Variants in PXDNL observed in about 807,000 individuals in gnomAD.
PXDNL encodes probable oxidoreductase PXDNL.
PXDNL carries 145 observed loss-of-function variants against 150.8 expected under a neutral mutation model. The observed-to-expected ratio is 0.96, with a 90% CI of 0.84 to 1.10. The LOEUF (loss-of-function observed/expected upper bound fraction) is 1.10, where lower values mean the gene tolerates loss of function less well. Ranked by LOEUF, PXDNL falls within the 50% of genes least tolerant of loss-of-function variation. The probability of loss-of-function intolerance (pLI) is 0.00; values close to 1 mark genes in which losing one functional copy is unlikely to be tolerated. For missense variants in PXDNL, 2,087 were observed against 1,873.9 expected, an observed-to-expected ratio of 1.11 and a Z score of -2.10; for synonymous variants, 757 against 725.7, an observed-to-expected ratio of 1.04 and a Z score of -0.69.
At chr8:51,401,991 G>A (rs1310108355) in intron 17 of PXDNL, among the ~76,000 whole-genome samples, 2 of 152,118 alleles carry the variant, frequency 1.3e-5, no homozygotes, top group South Asian at 4.1e-4. Context: ...GCAGAAGAAG[G>A]AAAAGCCAAG....
intron 5 of PXDNL, among the ~76,000 whole-genome samples, chr8:51,496,028 T>G (rs1811039686): frequency 6.6e-6 from 1 of 152,166 alleles, no homozygotes; most frequent in Non-Finnish European, 1.5e-5. Flanking sequence ...GCAAAAATCC[T>G]CAATAAAATA....
chr8:51,494,779 G>T (rs1811004328), intron 5 of PXDNL, among the ~76,000 whole-genome samples: 1 of 151,882 alleles, frequency 6.6e-6, no homozygotes, highest in Admixed American at 6.6e-5. Flanking sequence ...GATTCATAAA[G>T]CAAGTACTTA....
intron 1 of PXDNL, among the ~76,000 whole-genome samples, chr8:51,679,643 G>A (rs1815699830): frequency 6.6e-6 from 1 of 152,060 alleles, no homozygotes; most frequent in Non-Finnish European, 1.5e-5. Context: ...GAGGAGTCAG[G>A]GACTAGACAT....
rs115716943 is a variant in PXDNL, at chr8:51,451,318, C to G, written c.1250-2200G>C. 9.3e-3 allele frequency among the ~76,000 whole-genome samples: 1,414 copies of G among 152,192 alleles called. 28 individuals carry two copies. The highest frequency in any genetic ancestry group is 0.032 in the African/African-American group (1,329 of 41,532). On this transcript the variant is annotated intron_variant, in intron 10 of 22. Transcript: ENST00000356297. ...GAAAATAGTCAATTTACATTTGTTT[C>G]TAACACTAAAATGAGCAGCTTGCTA...
At chr8:51,453,486 G>A in intron 10 of PXDNL, 33 bp downstream of exon 10, 6 of 1,601,822 alleles carry the variant, frequency 3.7e-6, no homozygotes, top group East Asian at 2.2e-5. Context: ...GTGGCAGGAG[G>A]AACATTTCAA....
Position 51,345,885 on chromosome 8 carries a change from G to C in PXDNL, c.3964C>G (p.Gln1322Glu). 6.2e-7 allele frequency: 1 copy of C among 1,613,698 alleles called. No individual in the cohort carries two copies. Among genetic ancestry groups the C allele is most frequent in the Non-Finnish European group, 8.5e-7 (1 of 1,179,668 alleles). ...TQESQKKRSA[Q>E]YSYPVDKDME... The stretch of plus-strand genomic sequence containing the variant: ...TCCTTATCAACAGGATAGCTGTATT[G>C]AGCTGAGCGTTTCTTTTGAGACTCT... The change falls in exon 20 of 23, where the codon CAA becomes GAA. Residue 1322 changes from glutamine to glutamate, a missense_variant. By Grantham distance (29) the Gln-to-Glu change is conservative (BLOSUM62 2). Transcript: ENST00000356297.
intron 14 of PXDNL, 126 bp downstream of exon 14, chr8:51,423,449 T>G (rs1394849148): frequency 5.1e-6 from 3 of 593,652 alleles, no homozygotes; most frequent in Non-Finnish European, 7.7e-6. Context: ...GCTTTGACTA[T>G]AAACACACTT....
intron 1 of PXDNL, among the ~76,000 whole-genome samples, chr8:51,753,131 G>A (rs895670726): frequency 6.6e-6 from 1 of 152,204 alleles, no homozygotes; most frequent in Non-Finnish European, 1.5e-5. Flanking sequence ...TCCTACAAAT[G>A]GATTTCTCTT....
chr8:51,534,228 T>A lies in PXDNL; in HGVS notation c.380+22612A>T, dbSNP rs527409833. Among the ~76,000 whole-genome samples the A allele has an allele frequency of 4.4e-4, 58 of 131,196 alleles. 8 individuals are homozygous for A. The East Asian group carries it at 8.1e-3, about 18-fold the overall frequency. 86.1% of individuals were successfully genotyped at this position (131,196 alleles called of 152,430 possible). A position where few individuals can be genotyped will look rare whatever the true frequency, so the allele number is the denominator to read the frequency against. On this transcript the variant is annotated intron_variant, in intron 4 of 22. Transcript: ENST00000356297. ...CTGCCCGGCCGCCCCGTCTGAGAAG[T>A]AAGGAAACCCTCCGCCTGGCAACCG... is the stretch of plus-strand genomic sequence containing the variant.
chr8:51,348,136 G>T (rs1806218320), intron 19 of PXDNL, among the ~76,000 whole-genome samples: 1 of 152,160 alleles, frequency 6.6e-6, no homozygotes, highest in Admixed American at 6.5e-5. Context: ...CCACTACAAT[G>T]CAGCATCTCC....
chr8:51,804,411 G>T (rs1001202438), intron 1 of PXDNL, among the ~76,000 whole-genome samples: 3 of 152,110 alleles, frequency 2.0e-5, no homozygotes, highest in Middle Eastern at 6.8e-3. Flanking sequence ...GATTTATTTT[G>T]CTTTCACACT....
chr8:51,784,183 C>T (rs999264523), intron 1 of PXDNL, among the ~76,000 whole-genome samples: 2 of 152,176 alleles, frequency 1.3e-5, no homozygotes, highest in South Asian at 2.1e-4. Flanking sequence ...AAGAGGTGGA[C>T]ATATTTGATA....
chr8:51,630,432 A>C (rs1814465458), intron 2 of PXDNL, among the ~76,000 whole-genome samples: 1 of 152,206 alleles, frequency 6.6e-6, no homozygotes, highest in Non-Finnish European at 1.5e-5. Flanking sequence ...AAAAGTGACA[A>C]ATGTGACCTA....
chr8:51,371,715 C>A (rs533856038), intron 19 of PXDNL, among the ~76,000 whole-genome samples, 158 bp downstream of exon 19: 14 of 152,138 alleles, frequency 9.2e-5, no homozygotes, highest in Non-Finnish European at 1.8e-4. Flanking sequence ...TCCTGGTGTC[C>A]ACCCCTTCAT....
chr8:51,408,709 G>A lies in PXDNL; in HGVS notation c.2915C>T (p.Thr972Ile), dbSNP rs761960247. 71 of 1,594,056 alleles carry A rather than the reference G, an allele frequency of 4.5e-5. 1 individual carries two copies. In the East Asian group the frequency reaches 1.4e-3, roughly 31 times the overall value. ...CCTGTTGTGTTCCCGGAACCACAGG[G>A]TGTGCATGGCGGCCAGAGCCAGATG... ...NEHLALAAMH[T>I]LWFREHNRMA... is the part of the protein sequence containing the mutation. The change falls in exon 17 of 23, where the codon ACC (threonine) becomes ATC (isoleucine). Residue 972 changes from threonine (T) to isoleucine (I), a missense_variant. Physicochemically the swap from Thr to Ile is moderately conservative, Grantham distance 89. Transcript: ENST00000356297.
chr8:51,605,518 A>C (rs967450030), intron 2 of PXDNL, among the ~76,000 whole-genome samples: 2 of 151,774 alleles, frequency 1.3e-5, no homozygotes, highest in Non-Finnish European at 2.9e-5. Context: ...TATTAAAAAG[A>C]AAATCACAAG....
chr8:51,580,982 G>A (rs539888670), intron 3 of PXDNL, among the ~76,000 whole-genome samples: 3 of 152,064 alleles, frequency 2.0e-5, no homozygotes, highest in South Asian at 2.1e-4. Context: ...CTCTCTTTTC[G>A]CAAACCTGAA....
chr8:51,615,905 TC>T (rs972753749), intron 2 of PXDNL, among the ~76,000 whole-genome samples: 1 of 152,156 alleles, frequency 6.6e-6, no homozygotes, highest in African/African-American at 2.4e-5. Context: ...AGAATGGCCA[TC>T]ACCACGGCAG....
At chr8:51,651,152 A>C (rs1019602531) in intron 2 of PXDNL, among the ~76,000 whole-genome samples, 3 of 152,234 alleles carry the variant, frequency 2.0e-5, no homozygotes, top group African/African-American at 7.2e-5. Flanking sequence ...TACATACATT[A>C]ACTAATTATA....
Sources: gnomAD v4.1 joint callset for allele counts (sites outside exome capture counted in the v4.1 genomes callset) on GRCh38, gnomAD v4.1.1 for gene constraint, MANE v1.5 for transcripts, NCBI Gene and HGNC (gene_info 2026-07-23, HGNC 2026-07-21) for gene names.